MTAP: variants seen among roughly 807,000 people sequenced by gnomAD.
MTAP encodes the protein S-methyl-5'-thioadenosine phosphorylase.
Under a neutral mutation model 33.6 loss-of-function variants are expected in MTAP, and 33 were observed. The observed-to-expected ratio is 0.98, with a 90% confidence interval of 0.74 to 1.31. The LOEUF (loss-of-function observed/expected upper bound fraction) is 1.31, where lower values mean the gene tolerates loss of function less well. Ranked by LOEUF, MTAP falls within the 40% of genes most tolerant of loss-of-function variation. MTAP has a pLI of 0.00. For synonymous variants in MTAP, 148 were observed against 125.7 expected, an observed-to-expected ratio of 1.18 and a Z score of -1.19; for missense variants, 367 against 360.0, an observed-to-expected ratio of 1.02 and a Z score of -0.16.
rs1825861597 is a variant in MTAP, at chr9:21,866,892, T to C, written c.*4878T>C. On this transcript the variant is annotated 3_prime_UTR_variant, in exon 8 of 8. Coordinates refer to ENST00000644715, the MANE Select transcript of MTAP (RefSeq NM_002451.4). ...CTTTTAAAATTTATCTCAGCAATAT[T>C]TTGTAGTTTTAGTGAAGAAGTCTTG... The C allele has an allele frequency of 6.6e-6, 1 of 152,176 alleles. No homozygotes were observed. Among genetic ancestry groups the C allele is most frequent in the East Asian group, 1.9e-4 (1 of 5,208 alleles). The allele number at this position is 152,176 out of a possible 1,614,324, so 9.4% of individuals were successfully genotyped here.
downstream of MTAP, among the ~76,000 whole-genome samples, chr9:21,869,627 A>C (rs1825907687): frequency 6.6e-6 from 1 of 152,078 alleles, no homozygotes; most frequent in South Asian, 2.1e-4. Context: ...CCATCCTTCT[A>C]GTTCCTCAGA....
rs1419756865 is a variant in MTAP, at chr9:21,865,572, A to G, written c.*3558A>G. ...GGATGGAAGAACCTGTGTTCTCCTCATAATAGTATAGAATAATTCAAGATA... is the reference window on the plus strand; with the variant it reads ...GGATGGAAGAACCTGTGTTCTCCTCGTAATAGTATAGAATAATTCAAGATA... On this transcript the variant is annotated 3_prime_UTR_variant, in exon 8 of 8. Transcript: ENST00000644715. 2 of 985,740 alleles carry G rather than the reference A, an allele frequency of 2.0e-6. No homozygotes were observed. Among genetic ancestry groups the G allele is most frequent in the Non-Finnish European group, 2.4e-6 (2 of 829,996 alleles). 61.1% of individuals were successfully genotyped at this position (985,740 alleles called of 1,614,324 possible).
Position 21,833,710 on chromosome 9 carries a change from G to A in MTAP, c.348-4198G>A, listed in dbSNP as rs117208026. Among the ~76,000 whole-genome samples, 954 of 152,318 alleles carry A rather than the reference G, an allele frequency of 6.3e-3. 23 individuals carry two copies. The highest frequency in any genetic ancestry group is 0.055 in the East Asian group (285 of 5,192). On this transcript the variant is annotated intron_variant, in intron 4 of 7. Transcript: ENST00000644715. Reference sequence around the variant, plus strand: ...TTGGGGCTTGTTGTGGATACAGACCGTATTCTGAAATGTCCTCAGAGGTCG... The same window carrying A: ...TTGGGGCTTGTTGTGGATACAGACCATATTCTGAAATGTCCTCAGAGGTCG...
intron 1 of MTAP, among the ~76,000 whole-genome samples, chr9:21,886,411 C>A (rs916330391): frequency 2.6e-5 from 4 of 152,242 alleles, no homozygotes; most frequent in African/African-American, 9.6e-5. Flanking sequence ...TGTCTGTTTA[C>A]TCTGCTGATT....
At chr9:21,920,633 C>T (rs1166860103) in intron 1 of MTAP, among the ~76,000 whole-genome samples, 1 of 152,182 alleles carries the variant, frequency 6.6e-6, no homozygotes, top group Non-Finnish European at 1.5e-5. Flanking sequence ...GATATTTTCA[C>T]CTTTCTGCAT....
intron 1 of MTAP, among the ~76,000 whole-genome samples, chr9:21,914,095 C>T (rs1818632863): frequency 6.6e-6 from 1 of 152,176 alleles, no homozygotes. Context: ...CATCTCACAC[C>T]AGTTAGAATG....
chr9:21,876,580 T>C (rs1826012147), intron 1 of MTAP, among the ~76,000 whole-genome samples: 2 of 152,212 alleles, frequency 1.3e-5, no homozygotes, highest in Admixed American at 6.5e-5. Context: ...TTCAATCCTA[T>C]GCATATGACT....
chr9:21,860,332 A>C (rs1375794329), intron 7 of MTAP: 1 of 152,226 alleles, frequency 6.6e-6, no homozygotes, highest in Non-Finnish European at 1.5e-5. Flanking sequence ...ATGTGAAGCC[A>C]CTGATGAGTT....
At chr9:21,814,838 T>C (rs1824438183) in intron 1 of MTAP, among the ~76,000 whole-genome samples, 1 of 152,230 alleles carries the variant, frequency 6.6e-6, no homozygotes, top group Non-Finnish European at 1.5e-5. Context: ...ATGATTGTTT[T>C]CATAAATGTA....
chr9:21,872,505 C>G (rs957044368), intron 1 of MTAP, among the ~76,000 whole-genome samples: 21 of 152,136 alleles, frequency 1.4e-4, no homozygotes, highest in Admixed American at 4.6e-4. Context: ...TCGGTTGATA[C>G]TCATGTCCAT....
intron 5 of MTAP, among the ~76,000 whole-genome samples, chr9:21,845,609 A>G (rs1017098313): frequency 2.0e-5 from 3 of 152,196 alleles, no homozygotes; most frequent in Admixed American, 1.3e-4. Flanking sequence ...GCCAAAAAGC[A>G]ATCCACAAAT....
At chr9:21,820,824 T>C (rs964155085) in intron 4 of MTAP, among the ~76,000 whole-genome samples, 1 of 152,198 alleles carries the variant, frequency 6.6e-6, no homozygotes, top group African/African-American at 2.4e-5. Flanking sequence ...GTAGTTCTCC[T>C]TGAAGAGGTC....
intron 5 of MTAP, among the ~76,000 whole-genome samples, chr9:21,852,285 G>A (rs1313344332): frequency 3.3e-5 from 5 of 152,188 alleles, no homozygotes; most frequent in East Asian, 1.9e-4. Flanking sequence ...GAGGTGGGTG[G>A]ATCACAAGGT....
chr9:21,853,337 A>T (rs1825561475), intron 5 of MTAP, among the ~76,000 whole-genome samples: 1 of 152,164 alleles, frequency 6.6e-6, no homozygotes, highest in Non-Finnish European at 1.5e-5. Flanking sequence ...TTTTGCATTT[A>T]TAACATATAC....
intron 5 of MTAP, among the ~76,000 whole-genome samples, chr9:21,839,488 A>G (rs927318293): frequency 2.0e-5 from 3 of 152,190 alleles, no homozygotes; most frequent in Non-Finnish European, 2.9e-5. Flanking sequence ...GGAAAGCACA[A>G]TGGAGCTGTA....
chr9:21,882,071 G>T (rs1281734258), intron 1 of MTAP, among the ~76,000 whole-genome samples: 1 of 151,696 alleles, frequency 6.6e-6, no homozygotes, highest in Non-Finnish European at 1.5e-5. Context: ...TTTAGCAACA[G>T]GTATAGCATG....
chr9:21,821,407 G>A (rs2118105955), intron 4 of MTAP, among the ~76,000 whole-genome samples: 1 of 152,270 alleles, frequency 6.6e-6, no homozygotes, highest in Admixed American at 6.5e-5. Context: ...CTTTGGTTCT[G>A]TTTATATGCT....
chr9:21,873,363 A>G (rs1029130956), intron 1 of MTAP, among the ~76,000 whole-genome samples: 2 of 152,116 alleles, frequency 1.3e-5, no homozygotes, highest in Non-Finnish European at 2.9e-5. Flanking sequence ...GTGTCCTCCT[A>G]AAATCCATAT....
intron 1 of MTAP, among the ~76,000 whole-genome samples, chr9:21,915,623 T>G (rs1398348012): frequency 6.6e-6 from 1 of 152,192 alleles, no homozygotes; most frequent in African/African-American, 2.4e-5. Context: ...AGAATTTTAC[T>G]CTGAGTATAC....
Sources: allele counts gnomAD v4.1 joint callset (sites outside exome capture counted in the v4.1 genomes callset), GRCh38; gene constraint gnomAD v4.1.1; transcripts MANE v1.5; gene names NCBI Gene and HGNC (gene_info 2026-07-23, HGNC 2026-07-21).